LPCAT2: variants seen among roughly 807,000 people sequenced by gnomAD.
LPCAT2 encodes the protein lysophosphatidylcholine acyltransferase 2.
Under a neutral mutation model 64.7 loss-of-function variants are expected in LPCAT2, and 58 were observed. That is an observed-to-expected ratio of 0.90 (90% confidence interval 0.73 to 1.12). The LOEUF (loss-of-function observed/expected upper bound fraction) is 1.12, where lower values mean the gene tolerates loss of function less well. LPCAT2 is among the 50% of genes most tolerant of loss of function. LPCAT2 has a pLI of 0.00. For missense variants in LPCAT2, 579 were observed against 669.8 expected, an observed-to-expected ratio of 0.86 and a Z score of 1.50; for synonymous variants, 252 against 245.3, an observed-to-expected ratio of 1.03 and a Z score of -0.26.
chr16:55,586,451 A>G lies in LPCAT2; in HGVS notation c.*3353A>G, dbSNP rs1450980060. 1.4e-4 allele frequency: 19 copies of G among 137,042 alleles called. No individual in the cohort carries two copies. The highest frequency in any genetic ancestry group is 6.3e-4 in the African/African-American group (19 of 30,290). The allele number at this position is 137,042 out of a possible 1,614,324, so 8.5% of individuals were successfully genotyped here. ...ATTTAAAAGATAGAGAAAAATATAA[A>G]CAGAAAAAATTATGTTTACTTCTAC... On this transcript the variant is annotated 3_prime_UTR_variant, in exon 14 of 14. Transcript: ENST00000262134.
chr16:55,550,808 A>G, intron 10 of LPCAT2, 141 bp from the exon 11 acceptor site: 1 of 596,578 alleles, frequency 1.7e-6, no homozygotes, highest in Non-Finnish European at 2.7e-6. Flanking sequence ...TGTGCTTTTA[A>G]GTACCTATTT....
At chr16:55,582,657 A>C (rs905245585) in intron 13 of LPCAT2, among the ~76,000 whole-genome samples, 2 of 152,184 alleles carry the variant, frequency 1.3e-5, no homozygotes, top group Non-Finnish European at 2.9e-5. Context: ...TCAGAGCACA[A>C]TATGCACAAA....
intron 8 of LPCAT2, chr16:55,542,023 G>A: frequency 4.6e-6 from 5 of 1,086,524 alleles, no homozygotes; most frequent in Non-Finnish European, 5.9e-6. Flanking sequence ...TGATTATAGT[G>A]TCATAATTCT....
Position 55,566,503 on chromosome 16 carries a change from C to T in LPCAT2, c.1216-8128C>T, listed in dbSNP as rs569515276. Among the ~76,000 whole-genome samples, 4 of 152,236 alleles carry T rather than the reference C, an allele frequency of 2.6e-5. 1 individual carries two copies. In the South Asian group the frequency reaches 8.3e-4, roughly 32 times the overall value. On this transcript the variant is annotated intron_variant, in intron 11 of 13. Coordinates refer to ENST00000262134, the MANE Select transcript of LPCAT2 (RefSeq NM_017839.5). ...AAAACTATTATCCTAAGGTGTCCTA[C>T]ATACTATAATTTATAAGTATCTGGA...
At chr16:55,547,956 T>TG (rs1286171992) in intron 9 of LPCAT2, among the ~76,000 whole-genome samples, 1 of 152,048 alleles carries the variant, frequency 6.6e-6, no homozygotes, top group East Asian at 1.9e-4. Flanking sequence ...TTAGTAGAGA[T>TG]GGGGTTTCGC....
chr16:55,530,084 G>A (rs1301035235), intron 4 of LPCAT2, 137 bp downstream of exon 4: 5 of 537,914 alleles, frequency 9.3e-6, no homozygotes, highest in South Asian at 2.8e-5. Flanking sequence ...TAGATGCAGA[G>A]TAAATACAGT....
chr16:55,549,392 C>A lies in LPCAT2; in HGVS notation c.1051C>A (p.Arg351=). ...GCTGGTGGAATTTACTAAAATTAGCCGAAAATTGAAGTAAGTGTATTTTAA... is the reference window on the plus strand; with the variant it reads ...GCTGGTGGAATTTACTAAAATTAGCAGAAAATTGAAGTAAGTGTATTTTAA... ...AGLVEFTKIS[R]KLKLDWDGVR... is the part of the protein sequence containing the mutation. Residue 351 remains arginine, a synonymous_variant, in exon 10 of 14, where the codon CGA becomes AGA. Coordinates refer to ENST00000262134, the MANE Select transcript of LPCAT2 (RefSeq NM_017839.5). 6.3e-7 allele frequency: 1 copy of A among 1,586,720 alleles called. No homozygotes were observed. Among genetic ancestry groups the A allele is most frequent in the South Asian group, 1.2e-5 (1 of 85,262 alleles).
chr16:55,550,895 C>A, intron 10 of LPCAT2, 54 bp from the exon 11 acceptor site: 1 of 1,300,506 alleles, frequency 7.7e-7, no homozygotes, highest in Non-Finnish European at 1.0e-6. Context: ...ATAAAATGTG[C>A]ATGTGAATTG....
At chr16:55,512,672 C>T (rs560481495) in intron 1 of LPCAT2, among the ~76,000 whole-genome samples, 1 of 152,118 alleles carries the variant, frequency 6.6e-6, no homozygotes, top group Non-Finnish European at 1.5e-5. Context: ...TACAAAGGAG[C>T]CTTCAAGGAC....
At chr16:55,533,020 A>G (rs1963274734) in intron 6 of LPCAT2, 138 bp downstream of exon 6, 4 of 602,118 alleles carry the variant, frequency 6.6e-6, no homozygotes, top group Non-Finnish European at 1.1e-5. Context: ...TCTGCTCGCC[A>G]CATCTAGTTT....
At chr16:55,555,715 C>G (rs1424340884) in intron 11 of LPCAT2, among the ~76,000 whole-genome samples, 3 of 152,202 alleles carry the variant, frequency 2.0e-5, no homozygotes, top group African/African-American at 7.2e-5. Flanking sequence ...ATGCAGCATA[C>G]AAATAATCTG....
At chr16:55,514,885 A>G (rs937605429) in intron 1 of LPCAT2, among the ~76,000 whole-genome samples, 7 of 136,070 alleles carry the variant, frequency 5.1e-5, no homozygotes, top group African/African-American at 2.0e-4. Context: ...TAAAGATGCA[A>G]TGCATTGTGT....
In LPCAT2 at chr16:55,583,269, G is replaced by GA. The variant is rs1388757151; in HGVS notation, c.*177dup. ...GTTTTTATTAACCTTGCTTTTATTGGAAAAAATCAAGCAATATTTCGTTTT... is the reference window on the plus strand; with the variant it reads ...GTTTTTATTAACCTTGCTTTTATTGGAAAAAAATCAAGCAATATTTCGTTTT... On this transcript the variant is annotated 3_prime_UTR_variant, in exon 14 of 14. Coordinates refer to ENST00000262134, the MANE Select transcript of LPCAT2 (RefSeq NM_017839.5). The GA allele has an allele frequency of 5.2e-6, 3 of 577,324 alleles. No individual in the cohort carries two copies. Among genetic ancestry groups the GA allele is most frequent in the Admixed American group, 3.2e-5 (1 of 31,492 alleles). 35.8% of individuals were successfully genotyped at this position (577,324 alleles called of 1,614,324 possible).
At chr16:55,544,670 A>G (rs190202277) in intron 8 of LPCAT2, among the ~76,000 whole-genome samples, 25 of 152,284 alleles carry the variant, frequency 1.6e-4, no homozygotes, top group Non-Finnish European at 3.1e-4. Flanking sequence ...GAGCACCCTT[A>G]ACAGAATTAG....
intron 11 of LPCAT2, among the ~76,000 whole-genome samples, chr16:55,573,271 C>A (rs191096251): frequency 1.3e-5 from 2 of 152,284 alleles, no homozygotes; most frequent in East Asian, 3.9e-4. Flanking sequence ...ACAGCCCTTC[C>A]TTCCCCAAAT....
chr16:55,547,775 T>G (rs1247427995), intron 9 of LPCAT2, among the ~76,000 whole-genome samples: 4 of 152,154 alleles, frequency 2.6e-5, no homozygotes, highest in Admixed American at 6.5e-5. Flanking sequence ...TTTTTTTTGT[T>G]TTTTGTTTTT....
chr16:55,559,524 A>G (rs1258406386), intron 11 of LPCAT2, among the ~76,000 whole-genome samples: 7 of 152,118 alleles, frequency 4.6e-5, no homozygotes, highest in African/African-American at 1.7e-4. Flanking sequence ...CCTTCCTGTT[A>G]CAGAATGTAG....
At chr16:55,529,721 C>A in intron 3 of LPCAT2, 114 bp from the exon 4 acceptor site, 1 of 447,032 alleles carries the variant, frequency 2.2e-6, no homozygotes. Flanking sequence ...TTTAATTGTT[C>A]TCTTTGATTT....
chr16:55,549,608 G>C (rs1963492748), intron 10 of LPCAT2, among the ~76,000 whole-genome samples: 1 of 152,100 alleles, frequency 6.6e-6, no homozygotes, highest in African/African-American at 2.4e-5. Context: ...ATGTGCATTG[G>C]TCACAGGAGG....
Sources: allele counts gnomAD v4.1 joint callset (sites outside exome capture counted in the v4.1 genomes callset), GRCh38; gene constraint gnomAD v4.1.1; transcripts MANE v1.5; gene names NCBI Gene and HGNC (gene_info 2026-07-23, HGNC 2026-07-21).